The following KIF26B variants were observed in gnomAD, a reference collection of about 807,000 sequenced individuals.
The protein encoded by KIF26B is kinesin-like protein KIF26B.
KIF26B carries 63 observed loss-of-function variants against 151.2 expected under a neutral mutation model. That is an observed-to-expected ratio of 0.42 (90% confidence interval 0.34 to 0.51). The LOEUF (loss-of-function observed/expected upper bound fraction) is 0.51, where lower values mean the gene tolerates loss of function less well. KIF26B is among the 20% of genes least tolerant of loss of function. The pLI is 0.07. For synonymous variants in KIF26B, 1,357 were observed against 1,262.1 expected, an observed-to-expected ratio of 1.08 and a Z score of -1.59; for missense variants, 2,813 against 2,913.6, an observed-to-expected ratio of 0.97 and a Z score of 0.79.
rs754388618 is a variant in KIF26B, at chr1:245,686,454, G to A, written c.3471G>A (p.Gln1157=). Residue 1157 remains glutamine, a synonymous_variant, in exon 12 of 15, where the codon CAG becomes CAA. Transcript: ENST00000407071. This position sits in a 1 kb window ranked among gnomAD's most constrained non-coding sequence, Gnocchi z 5.6. ...FPETPVDDEQ[Q]AATPSESKKE... ...AAACTCCTGTCGATGATGAGCAGCAGGCAGCTACTCCTTCAGAGTCCAAGA... is the reference window on the plus strand; with the variant it reads ...AAACTCCTGTCGATGATGAGCAGCAAGCAGCTACTCCTTCAGAGTCCAAGA... The A allele has an allele frequency of 3.7e-6, 6 of 1,613,282 alleles. No homozygotes were observed. The highest frequency in any genetic ancestry group is 5.1e-6 in the Non-Finnish European group (6 of 1,179,882).
chr1:245,278,642 G>C (rs978653696), intron 2 of KIF26B, among the ~76,000 whole-genome samples: 2 of 152,114 alleles, frequency 1.3e-5, no homozygotes, highest in Admixed American at 6.5e-5. Context: ...GGGTTCCCTA[G>C]AAAATAAATT....
chr1:245,326,526 T>A (rs890055940), intron 2 of KIF26B, among the ~76,000 whole-genome samples: 1 of 152,196 alleles, frequency 6.6e-6, no homozygotes, highest in African/African-American at 2.4e-5. Flanking sequence ...TCCGGACCAC[T>A]GTTTGTTTTC....
chr1:245,340,667 G>C (rs1242336191), intron 2 of KIF26B, among the ~76,000 whole-genome samples: 1 of 152,098 alleles, frequency 6.6e-6, no homozygotes, highest in Non-Finnish European at 1.5e-5. Flanking sequence ...AGATAGACAG[G>C]GTCCTGCTTT....
At chr1:245,520,730 G>T (rs1661082706) in intron 4 of KIF26B, among the ~76,000 whole-genome samples, 1 of 152,030 alleles carries the variant, frequency 6.6e-6, no homozygotes. Context: ...GAAAATAAAA[G>T]GCCTCACTCT....
At chr1:245,556,936 C>T (rs1374486071) in intron 5 of KIF26B, among the ~76,000 whole-genome samples, 2 of 152,210 alleles carry the variant, frequency 1.3e-5, no homozygotes, top group Non-Finnish European at 2.9e-5. Flanking sequence ...GCGTGGAACT[C>T]ACAGTCAGAA....
chr1:245,458,542 C>A (rs1659586935), intron 4 of KIF26B, among the ~76,000 whole-genome samples: 1 of 152,304 alleles, frequency 6.6e-6, no homozygotes, highest in Non-Finnish European at 1.5e-5. Context: ...CTGTGTATTC[C>A]TGAAGGCATA....
chr1:245,330,061 A>T (rs542609721), intron 2 of KIF26B, among the ~76,000 whole-genome samples: 2 of 152,010 alleles, frequency 1.3e-5, no homozygotes, highest in Non-Finnish European at 2.9e-5. Context: ...AAGTGCAAAG[A>T]TTACAGGAGT....
chr1:245,340,363 AACT>A (rs1157249078), intron 2 of KIF26B, among the ~76,000 whole-genome samples: 1 of 151,770 alleles, frequency 6.6e-6, no homozygotes, highest in Non-Finnish European at 1.5e-5. Flanking sequence ...CAAGGAAAAA[AACT>A]CTGTACGTGT....
intron 9 of KIF26B, among the ~76,000 whole-genome samples, chr1:245,638,632 T>C (rs2043857925): frequency 6.6e-6 from 1 of 151,886 alleles, no homozygotes; most frequent in African/African-American, 2.4e-5. Context: ...GTGTGTAATA[T>C]ATGACACTTA....
In KIF26B at chr1:245,687,030, C is replaced by T. The variant is rs2147955791; in HGVS notation, c.4047C>T (p.Asp1349=). Residue 1349 remains aspartate (D), a synonymous_variant, in exon 12 of 15, where the codon GAC becomes GAT. Transcript: ENST00000407071. The surrounding 1 kb of genome is among the most constrained non-coding windows in gnomAD (Gnocchi z 4.9). Reference sequence around the variant, plus strand: ...TCATCCTGTCTGAGATGGGAGATGACTCTTTCAACAAAGCAGCCCCCATCA... The same window carrying T: ...TCATCCTGTCTGAGATGGGAGATGATTCTTTCAACAAAGCAGCCCCCATCA... ...NLLILSEMGD[D]SFNKAAPIKG... 4 of 1,613,440 alleles carry T rather than the reference C, an allele frequency of 2.5e-6. No homozygotes were observed. Among genetic ancestry groups the T allele is most frequent in the Non-Finnish European group, 3.4e-6 (4 of 1,179,806 alleles).
chr1:245,368,811 A>G (rs1673024889), intron 3 of KIF26B, among the ~76,000 whole-genome samples: 1 of 152,094 alleles, frequency 6.6e-6, no homozygotes, highest in African/African-American at 2.4e-5. Flanking sequence ...GAAGTGATGT[A>G]TGTTGCTTAC....
chr1:245,695,345 C>T (rs1464769471), intron 12 of KIF26B, among the ~76,000 whole-genome samples: 1 of 152,108 alleles, frequency 6.6e-6, no homozygotes, highest in Non-Finnish European at 1.5e-5. Context: ...CTCAGCCTGA[C>T]CACATTACCC....
chr1:245,231,612 T>C (rs1669999659), intron 2 of KIF26B, among the ~76,000 whole-genome samples: 1 of 152,078 alleles, frequency 6.6e-6, no homozygotes. Context: ...TCTGGGAAAA[T>C]TGACCCAGCG....
rs984270504 is a variant in KIF26B, at chr1:245,285,350, T to C, written c.466-81484T>C. The stretch of plus-strand genomic sequence containing the variant: ...ATGCTCCGTTAGCTAGAGCCACTCA[T>C]GTGGTCCTCAGTCCAATAGGAAACA... On this transcript the variant is annotated intron_variant, in intron 2 of 14. Transcript: ENST00000407071. Among the ~76,000 whole-genome samples the C allele has an allele frequency of 7.9e-5, 12 of 152,312 alleles. No homozygotes were observed. In the South Asian group the frequency reaches 1.7e-3, roughly 21 times the overall value.
chr1:245,231,907 G>GA (rs1034910825), intron 2 of KIF26B, among the ~76,000 whole-genome samples: 1 of 151,980 alleles, frequency 6.6e-6, no homozygotes, highest in Non-Finnish European at 1.5e-5. Flanking sequence ...CAAAGTTATC[G>GA]AAAAAAAAGT....
At chr1:245,657,185 CA>C (rs1301452143) in intron 10 of KIF26B, among the ~76,000 whole-genome samples, 3 of 152,250 alleles carry the variant, frequency 2.0e-5, no homozygotes, top group East Asian at 1.9e-4. Context: ...TATAAGCATA[CA>C]TTTTTTTAGT....
intron 4 of KIF26B, among the ~76,000 whole-genome samples, chr1:245,515,838 C>T (rs904752515): frequency 1.3e-5 from 2 of 152,100 alleles, no homozygotes; most frequent in African/African-American, 2.4e-5. Context: ...CTCTGTAACT[C>T]GGCTTGTCCC....
Position 245,668,053 on chromosome 1 carries a change from G to A in KIF26B, c.2259-16180G>A, listed in dbSNP as rs763033141. Among the ~76,000 whole-genome samples the A allele has an allele frequency of 3.3e-5, 5 of 152,232 alleles. No homozygotes were observed. In the East Asian group the frequency reaches 7.7e-4, roughly 24 times the overall value. On this transcript the variant is annotated intron_variant, in intron 10 of 14. Coordinates refer to ENST00000407071, the MANE Select transcript of KIF26B (RefSeq NM_018012.4). ...TGGGATTACAGGCACACGCCACCAC[G>A]CTTGGCTAATTTTTGTATTTTTAGT...
chr1:245,709,215 T>A lies in KIF26B; in HGVS notation c.*6609T>A, dbSNP rs997746502. 8 of 152,122 alleles carry A rather than the reference T, an allele frequency of 5.3e-5. No homozygotes were observed. The highest frequency in any genetic ancestry group is 1.9e-4 in the African/African-American group (8 of 41,412). 9.4% of individuals were successfully genotyped at this position (152,122 alleles called of 1,614,324 possible). ...TTGATTATGATAAATATGAGCAGGC[T>A]CCCTGGAGAACAGTCCAGAAAAAAA... On this transcript the variant is annotated 3_prime_UTR_variant, in exon 15 of 15. Transcript: ENST00000407071.
Sources: gnomAD v4.1 joint callset for allele counts (sites outside exome capture counted in the v4.1 genomes callset) on GRCh38, gnomAD v4.1.1 for gene constraint, Gnocchi (gnomAD v3.1) non-coding constraint, MANE v1.5 for transcripts, NCBI Gene and HGNC (gene_info 2026-07-23, HGNC 2026-07-21) for gene names.